Variants in FHIT observed in about 807,000 individuals in gnomAD.
FHIT encodes fragile histidine triad diadenosine triphosphatase.
A neutral mutation model predicts 17.9 loss-of-function variants in FHIT; 19 were observed. That is an observed-to-expected ratio of 1.06 (90% CI 0.74 to 1.56). The LOEUF is 1.56. Among genes scored for constraint, FHIT ranks in the 40% most tolerant of loss-of-function variants. The pLI, the probability that FHIT is intolerant of heterozygous loss-of-function variation, is 0.00. For missense variants in FHIT, 248 were observed against 189.2 expected (o/e 1.31, Z -1.82); for synonymous variants, 81 against 69.7 (o/e 1.16, Z -0.81).
chr3:60,288,607 A>AG (rs1707840402), intron 5 of FHIT, among the ~76,000 whole-genome samples: 1 of 132,966 alleles, frequency 7.5e-6, no homozygotes, highest in African/African-American at 2.8e-5. Flanking sequence ...GTGTGTGTGG[A>AG]GGGGGGTGTG....
At chr3:60,090,555 T>A (rs1703687572) in intron 5 of FHIT, among the ~76,000 whole-genome samples, 1 of 152,148 alleles carries the variant, frequency 6.6e-6, no homozygotes, top group East Asian at 1.9e-4. Flanking sequence ...TCTCCTGTGT[T>A]CTCTTTCTTC....
At chr3:60,421,219 A>G (rs1702453278) in intron 5 of FHIT, among the ~76,000 whole-genome samples, 1 of 151,774 alleles carries the variant, frequency 6.6e-6, no homozygotes, top group South Asian at 2.1e-4. Context: ...TTAACTCCAC[A>G]TTCTGTTTTG....
intron 5 of FHIT, among the ~76,000 whole-genome samples, chr3:60,048,255 C>T (rs1486103744): frequency 6.6e-6 from 1 of 152,168 alleles, no homozygotes; most frequent in Non-Finnish European, 1.5e-5. Flanking sequence ...CAGATCACTG[C>T]ACCTTCTGCC....
intron 4 of FHIT, among the ~76,000 whole-genome samples, chr3:60,802,727 C>T (rs1413573115): frequency 2.0e-5 from 3 of 151,820 alleles, no homozygotes; most frequent in Non-Finnish European, 4.4e-5. Context: ...ACCTAATATG[C>T]TGCCTTCAGA....
At chr3:60,107,239 A>C in intron 5 of FHIT, among the ~76,000 whole-genome samples, 1 of 150,440 alleles carries the variant, frequency 6.6e-6, no homozygotes, top group East Asian at 1.9e-4. Flanking sequence ...TGCATAGATA[A>C]AACTTTGCAG....
intron 7 of FHIT, among the ~76,000 whole-genome samples, chr3:59,924,054 C>T (rs1705539633): frequency 6.6e-6 from 1 of 152,086 alleles, no homozygotes; most frequent in Admixed American, 6.5e-5. Flanking sequence ...AAAGAACAAA[C>T]AAGGAAAAAA....
chr3:61,192,488 T>C (rs1212353186), intron 2 of FHIT, among the ~76,000 whole-genome samples: 1 of 152,220 alleles, frequency 6.6e-6, no homozygotes, highest in Non-Finnish European at 1.5e-5. Flanking sequence ...GCCAGGATTC[T>C]ATAATGCCTT....
intron 4 of FHIT, among the ~76,000 whole-genome samples, chr3:60,645,557 G>T (rs1193448160): frequency 6.6e-6 from 1 of 152,118 alleles, no homozygotes; most frequent in African/African-American, 2.4e-5. Flanking sequence ...TGTCTCTAAA[G>T]AGACATCTTC....
At chr3:59,971,959 T>G (rs1364154083) in intron 7 of FHIT, among the ~76,000 whole-genome samples, 1 of 152,146 alleles carries the variant, frequency 6.6e-6, no homozygotes, top group Admixed American at 6.5e-5. Flanking sequence ...GTTTCCAAGT[T>G]ATAAGGGTTC....
chr3:60,435,943 G>A (rs1467821380), intron 5 of FHIT, among the ~76,000 whole-genome samples: 1 of 152,126 alleles, frequency 6.6e-6, no homozygotes, highest in African/African-American at 2.4e-5. Context: ...GTTTGCTAAG[G>A]ATAATGGCCT....
At chr3:60,731,454 T>G (rs1475013680) in intron 4 of FHIT, among the ~76,000 whole-genome samples, 1 of 152,168 alleles carries the variant, frequency 6.6e-6, no homozygotes, top group African/African-American at 2.4e-5. Context: ...ACCTTTTGAC[T>G]TGGGGTTTCA....
chr3:60,145,220 T>C (rs1460777249), intron 5 of FHIT, among the ~76,000 whole-genome samples: 1 of 152,188 alleles, frequency 6.6e-6, no homozygotes, highest in Non-Finnish European at 1.5e-5. Context: ...TTATTGGAAA[T>C]TGCATTGTGA....
chr3:59,863,406 C>T (rs896318092), intron 8 of FHIT, among the ~76,000 whole-genome samples: 1 of 152,220 alleles, frequency 6.6e-6, no homozygotes, highest in Non-Finnish European at 1.5e-5. Context: ...CACAATGCTG[C>T]ATAAGAAGAA....
intron 8 of FHIT, among the ~76,000 whole-genome samples, chr3:59,762,343 C>G (rs1232833666): frequency 6.6e-5 from 10 of 152,154 alleles, no homozygotes; most frequent in Admixed American, 6.5e-4. Context: ...AGTAGGTTTT[C>G]AATAAGCATT....
At position 60,027,146 on chromosome 3, in the gene FHIT, C is replaced by CAAAAAA. The variant is rs397947401; in HGVS notation, c.104-12995_104-12994insTTTTTT. Among the ~76,000 whole-genome samples the CAAAAAA allele has an allele frequency of 2.6e-3, 316 of 122,880 alleles. 8 individuals are homozygous for CAAAAAA. Among genetic ancestry groups the CAAAAAA allele is most frequent in the African/African-American group, 8.9e-3 (301 of 33,900 alleles). 80.6% of individuals were successfully genotyped at this position (122,880 alleles called of 152,430 possible). A position where few individuals can be genotyped will look rare whatever the true frequency, so the allele number is the denominator to read the frequency against. ...ACACACACACACACACACACACACA[C>CAAAAAA]ACAAAATTAGTAAACCCAATAATCC... On this transcript the variant is annotated intron_variant, in intron 5 of 9. Coordinates refer to ENST00000492590, the MANE Select transcript of FHIT (RefSeq NM_002012.4).
At chr3:60,178,822 C>T (rs1328153885) in intron 5 of FHIT, among the ~76,000 whole-genome samples, 4 of 152,000 alleles carry the variant, frequency 2.6e-5, no homozygotes, top group Non-Finnish European at 5.9e-5. Context: ...AGAAATATAC[C>T]ATGGTATGAG....
intron 8 of FHIT, among the ~76,000 whole-genome samples, chr3:59,871,074 A>G (rs563150065): frequency 3.9e-5 from 6 of 152,210 alleles, no homozygotes; most frequent in African/African-American, 1.4e-4. Flanking sequence ...AATTGCTATA[A>G]AGTTTCTTAT....
intron 8 of FHIT, among the ~76,000 whole-genome samples, chr3:59,897,442 T>C (rs1704119113): frequency 6.6e-6 from 1 of 152,206 alleles, no homozygotes; most frequent in African/African-American, 2.4e-5. Flanking sequence ...ATTTATCACA[T>C]TCTATTACAA....
intron 3 of FHIT, among the ~76,000 whole-genome samples, chr3:60,999,259 A>T (rs371295216): frequency 2.0e-5 from 3 of 152,284 alleles, no homozygotes; most frequent in African/African-American, 7.2e-5. Context: ...CAACTGCAGA[A>T]GATATCACTG....
Sources: gnomAD v4.1 joint callset for allele counts (sites outside exome capture counted in the v4.1 genomes callset) on GRCh38, gnomAD v4.1.1 for gene constraint, MANE v1.5 for transcripts, NCBI Gene and HGNC (gene_info 2026-07-23, HGNC 2026-07-21) for gene names.